Variants in ZNF462 observed in about 807,000 individuals in gnomAD.
The protein encoded by ZNF462 is zinc finger protein 462.
ZNF462 carries 10 observed loss-of-function variants against 201.9 expected under a neutral mutation model. That is an observed-to-expected ratio of 0.05 (90% CI 0.03 to 0.08). ZNF462 has a LOEUF of 0.08. ZNF462 is among the 10% of genes least tolerant of loss of function. The pLI is 1.00. For synonymous variants in ZNF462, 1,227 were observed against 1,193.3 expected, an observed-to-expected ratio of 1.03 and a Z score of -0.58; for missense variants, 2,523 against 3,168.3, an observed-to-expected ratio of 0.80 and a Z score of 4.89.
In ZNF462 at chr9:106,876,404, A is replaced by G. The variant is rs911037865; in HGVS notation, c.-31+13049A>G. On this transcript the variant is annotated intron_variant, in intron 1 of 12. Coordinates refer to ENST00000277225, the MANE Select transcript of ZNF462 (RefSeq NM_021224.6). The surrounding 1 kb of genome is among the most constrained non-coding windows in gnomAD (Gnocchi z 4.9). ...TGCCCCATTTATCTATGGTCAGTATATTAGGTATTTTGTTCTTGGTCTTAA... is the reference window on the plus strand; with the variant it reads ...TGCCCCATTTATCTATGGTCAGTATGTTAGGTATTTTGTTCTTGGTCTTAA... Among the ~76,000 whole-genome samples the G allele has an allele frequency of 4.6e-5, 7 of 152,180 alleles. No individual in the cohort carries two copies. Among genetic ancestry groups the G allele is most frequent in the South Asian group, 2.1e-4 (1 of 4,826 alleles).
rs1318529646 is a variant in ZNF462, at chr9:106,962,292, T to G, written c.6428-9713T>G. Among the ~76,000 whole-genome samples, 2 of 152,062 alleles carry G rather than the reference T, an allele frequency of 1.3e-5. No homozygotes were observed. Among genetic ancestry groups the G allele is most frequent in the Non-Finnish European group, 2.9e-5 (2 of 67,972 alleles). ...TGAACCAACAGAGCTTTTGACTCAT[T>G]GAATGTGTGGAATGAAAGAGAGAAA... is the stretch of plus-strand genomic sequence containing the variant. On this transcript the variant is annotated intron_variant, in intron 7 of 12. Transcript: ENST00000277225. The surrounding 1 kb of genome is among the most constrained non-coding windows in gnomAD (Gnocchi z 4.6).
Position 106,919,678 on chromosome 9 carries a change from G to A in ZNF462, c.-30-3676G>A, listed in dbSNP as rs934380884. Among the ~76,000 whole-genome samples, 1 of 152,110 alleles carries A rather than the reference G, an allele frequency of 6.6e-6. No homozygotes were observed. Among genetic ancestry groups the A allele is most frequent in the Non-Finnish European group, 1.5e-5 (1 of 68,024 alleles). On this transcript the variant is annotated intron_variant, in intron 1 of 12. Transcript: ENST00000277225. The surrounding 1 kb of genome is among the most constrained non-coding windows in gnomAD (Gnocchi z 4.5). ...CAGCAACGAATAAGTAGTACTAAAG[G>A]CAGTGACTAATTAGGATGGTTTAGG...
chr9:106,922,095 A>G (rs541859523), intron 1 of ZNF462, among the ~76,000 whole-genome samples: 1 of 152,292 alleles, frequency 6.6e-6, no homozygotes, highest in Non-Finnish European at 1.5e-5. Context: ...TTATTACTGG[A>G]CTTTTTTGTT....
In ZNF462 at chr9:107,003,076, A is replaced by G. The variant is rs957615594; in HGVS notation, c.7057-218A>G. ...GTTTGGTAATGAAGGTCCGGTGTAC[A>G]AAAGTTCCGGTGAAAATGATGGAAT... On this transcript the variant is annotated intron_variant, in intron 10 of 12. Transcript: ENST00000277225. The surrounding 1 kb of genome is among the most constrained non-coding windows in gnomAD (Gnocchi z 4.4). Among the ~76,000 whole-genome samples the G allele has an allele frequency of 4.6e-5, 7 of 152,206 alleles. No individual in the cohort carries two copies. The highest frequency in any genetic ancestry group is 1.7e-4 in the African/African-American group (7 of 41,466).
chr9:106,999,124 G>A (rs915500991), intron 10 of ZNF462, among the ~76,000 whole-genome samples: 21 of 152,118 alleles, frequency 1.4e-4, no homozygotes, highest in African/African-American at 4.8e-4. Flanking sequence ...GGAAGGAGCT[G>A]GGTTCTAAAT....
At chr9:106,914,366 A>T (rs1829681293) in intron 1 of ZNF462, among the ~76,000 whole-genome samples, 1 of 152,208 alleles carries the variant, frequency 6.6e-6, no homozygotes, top group African/African-American at 2.4e-5. Flanking sequence ...TAGAATGCTT[A>T]GCAGTATCCA....
chr9:106,895,831 G>A lies in ZNF462; in HGVS notation c.-30-27523G>A, dbSNP rs949211295. Among the ~76,000 whole-genome samples, 1 of 151,924 alleles carries A rather than the reference G, an allele frequency of 6.6e-6. No homozygotes were observed. Among genetic ancestry groups the A allele is most frequent in the African/African-American group, 2.4e-5 (1 of 41,346 alleles). On this transcript the variant is annotated intron_variant, in intron 1 of 12. Coordinates refer to ENST00000277225, the MANE Select transcript of ZNF462 (RefSeq NM_021224.6). This position sits in a 1 kb window ranked among gnomAD's most constrained non-coding sequence, Gnocchi z 4.4. ...TTTTTGGGGGTGGGAATATGTATTG[G>A]GTTCTTCTTTCTTACATATGTTCAT...
intron 9 of ZNF462, among the ~76,000 whole-genome samples, chr9:106,982,177 T>C (rs1827485586): frequency 6.6e-6 from 1 of 152,242 alleles, no homozygotes; most frequent in Admixed American, 6.5e-5. Context: ...CCCAGCGTAG[T>C]TGCAGTTAAT....
chr9:106,879,500 G>A (rs1335152183), intron 1 of ZNF462, among the ~76,000 whole-genome samples: 1 of 152,092 alleles, frequency 6.6e-6, no homozygotes, highest in Non-Finnish European at 1.5e-5. Context: ...CACACATGTA[G>A]GGCGGGCAAA....
intron 8 of ZNF462, among the ~76,000 whole-genome samples, chr9:106,973,173 A>G (rs1009362131): frequency 6.6e-6 from 1 of 152,210 alleles, no homozygotes; most frequent in East Asian, 1.9e-4. Context: ...GAAAGCTATT[A>G]TAATAATATG....
In ZNF462 at chr9:107,000,936, A is replaced by G. The variant is rs531417393; in HGVS notation, c.7057-2358A>G. ...CTGGCACACAGCAAGCCAGCCCTCCAGGAATCCTTGATGAATGAATGAATG... is the reference window on the plus strand; with the variant it reads ...CTGGCACACAGCAAGCCAGCCCTCCGGGAATCCTTGATGAATGAATGAATG... On this transcript the variant is annotated intron_variant, in intron 10 of 12. Transcript: ENST00000277225. Among the ~76,000 whole-genome samples the G allele has an allele frequency of 5.3e-5, 8 of 152,310 alleles. No homozygotes were observed. The South Asian group carries it at 1.7e-3, about 32-fold the overall frequency.
Position 106,864,076 on chromosome 9 carries a change from CTCTCTCTCTCTCTCTCTCTCTCTCTCTCT to C in ZNF462, c.-31+722_-31+750del, listed in dbSNP as rs1827196405. 1.5e-5 allele frequency among the ~76,000 whole-genome samples: 2 copies of C among 135,068 alleles called. 1 individual carries two copies. Among genetic ancestry groups the C allele is most frequent in the Non-Finnish European group, 3.2e-5 (2 of 62,220 alleles). 88.6% of individuals were successfully genotyped at this position (135,068 alleles called of 152,430 possible). ...TCTCTCTCTCTCTCTCTCTCTCTCT[CTCTCTCTCTCTCTCTCTCTCTCTCTCTCT>C]CTCTCCCTCTCCCCGAAGTTGGGAT... On this transcript the variant is annotated intron_variant, in intron 1 of 12. Coordinates refer to ENST00000277225, the MANE Select transcript of ZNF462 (RefSeq NM_021224.6).
chr9:106,987,375 G>A (rs1403507592), intron 10 of ZNF462, among the ~76,000 whole-genome samples: 1 of 152,252 alleles, frequency 6.6e-6, no homozygotes, highest in South Asian at 2.1e-4. Flanking sequence ...GAAGTAAGGT[G>A]GTATTGCATT....
intron 1 of ZNF462, among the ~76,000 whole-genome samples, chr9:106,882,553 A>G (rs542937475): frequency 5.4e-4 from 82 of 152,384 alleles, no homozygotes; most frequent in African/African-American, 1.8e-3. Context: ...CTAACAGTCT[A>G]GGTTAAAGAA....
chr9:106,974,146 T>C lies in ZNF462; in HGVS notation c.6705T>C (p.Phe2235=), dbSNP rs920715343. 11 of 1,614,062 alleles carry C rather than the reference T, an allele frequency of 6.8e-6. No homozygotes were observed. The highest frequency in any genetic ancestry group is 5.0e-5 in the Admixed American group (3 of 60,002). Reference sequence around the variant, plus strand: ...CCAAACTCTCTCCTAGATCTGCTTTTACTATGCACGTGGAAGCTGGGCACT... The same window carrying C: ...CCAAACTCTCTCCTAGATCTGCTTTCACTATGCACGTGGAAGCTGGGCACT... ...CSFYTGFKSA[F]TMHVEAGHSA... is the part of the protein sequence containing the mutation. The change falls in exon 9 of 13, where the codon TTT becomes TTC. Residue 2235 remains phenylalanine (F), a synonymous_variant. Transcript: ENST00000277225. The surrounding 1 kb of genome is among the most constrained non-coding windows in gnomAD (Gnocchi z 4.0).
Position 106,930,884 on chromosome 9 carries a change from GT to G in ZNF462, c.6012+198del. 1 of 594,370 alleles carries G rather than the reference GT, an allele frequency of 1.7e-6. No homozygotes were observed. Among genetic ancestry groups the G allele is most frequent in the Non-Finnish European group, 2.8e-6 (1 of 358,098 alleles). The allele number at this position is 594,370 out of a possible 1,614,324, so 36.8% of individuals were successfully genotyped here. A position where few individuals can be genotyped will look rare whatever the true frequency, so the allele number is the denominator to read the frequency against. ...ATCTTTCTGTTCAGGGAAAGGTCGA[GT>G]TTCGATCTGGTTTCCTTCCACGCGG... On this transcript the variant is annotated intron_variant, in intron 4 of 12. Transcript: ENST00000277225. The surrounding 1 kb of genome is among the most constrained non-coding windows in gnomAD (Gnocchi z 5.8).
chr9:106,920,108 G>A lies in ZNF462; in HGVS notation c.-30-3246G>A, dbSNP rs1403181643. On this transcript the variant is annotated intron_variant, in intron 1 of 12. Coordinates refer to ENST00000277225, the MANE Select transcript of ZNF462 (RefSeq NM_021224.6). The surrounding 1 kb of genome is among the most constrained non-coding windows in gnomAD (Gnocchi z 4.3). ...GCCTCTTAGGGTTGCTGCTCTTCGG[G>A]ATTGATGAAGAAGATATGCAGAGCT... Among the ~76,000 whole-genome samples the A allele has an allele frequency of 6.6e-6, 1 of 151,794 alleles. No individual in the cohort carries two copies. Among genetic ancestry groups the A allele is most frequent in the Non-Finnish European group, 1.5e-5 (1 of 68,014 alleles).
At chr9:106,983,706 G>T (rs1353864762) in intron 9 of ZNF462, among the ~76,000 whole-genome samples, 7 of 152,186 alleles carry the variant, frequency 4.6e-5, no homozygotes, top group Admixed American at 3.9e-4. Context: ...GCCTCATAAA[G>T]TTGCTGATAG....
At chr9:106,906,117 TCAGCTC>T (rs1159988590) in intron 1 of ZNF462, among the ~76,000 whole-genome samples, 1 of 152,206 alleles carries the variant, frequency 6.6e-6, no homozygotes, top group African/African-American at 2.4e-5. Flanking sequence ...CTAACTTGAC[TCAGCTC>T]CAGGTAAAGT....
Sources: gnomAD v4.1 joint callset for allele counts (sites outside exome capture counted in the v4.1 genomes callset) on GRCh38, gnomAD v4.1.1 for gene constraint, Gnocchi (gnomAD v3.1) non-coding constraint, MANE v1.5 for transcripts, NCBI Gene and HGNC (gene_info 2026-07-23, HGNC 2026-07-21) for gene names.